ACO1: variants seen among roughly 807,000 people sequenced by gnomAD.
The protein encoded by ACO1 is cytoplasmic aconitate hydratase.
A neutral mutation model predicts 105.1 loss-of-function variants in ACO1; 78 were observed. The observed-to-expected ratio is 0.74, with a 90% CI of 0.62 to 0.90. The LOEUF (loss-of-function observed/expected upper bound fraction) is 0.90. Ranked by LOEUF, ACO1 falls within the 40% of genes least tolerant of loss-of-function variation. The pLI is 0.00. For synonymous variants in ACO1, 364 were observed against 397.4 expected, an observed-to-expected ratio of 0.92 and a Z score of 1.00; for missense variants, 965 against 1,111.1, an observed-to-expected ratio of 0.87 and a Z score of 1.87.
intron 13 of ACO1, among the ~76,000 whole-genome samples, chr9:32,430,211 C>A (rs1403213531): frequency 1.3e-5 from 2 of 152,298 alleles, no homozygotes; most frequent in Non-Finnish European, 2.9e-5. Context: ...GCAGAAATCA[C>A]TAAACATGTC....
chr9:32,446,118 T>TATTA (rs1159760903), intron 19 of ACO1, among the ~76,000 whole-genome samples: 2 of 152,212 alleles, frequency 1.3e-5, no homozygotes, highest in East Asian at 3.9e-4. Flanking sequence ...TGTAGATGTC[T>TATTA]ATTAGGTCAG....
chr9:32,391,104 C>T (rs1356747964), intron 1 of ACO1, among the ~76,000 whole-genome samples: 2 of 152,160 alleles, frequency 1.3e-5, no homozygotes, highest in South Asian at 2.1e-4. Context: ...TGGTAGCTCA[C>T]GGGGATATAG....
intron 20 of ACO1, 146 bp from the exon 21 acceptor site, chr9:32,449,852 G>A: frequency 1.6e-6 from 1 of 639,732 alleles, no homozygotes; most frequent in Admixed American, 2.6e-5. Context: ...GGTCTGGGCT[G>A]GGGCCAGCAG....
chr9:32,426,894 A>C (rs1170732055), intron 11 of ACO1, among the ~76,000 whole-genome samples: 1 of 152,188 alleles, frequency 6.6e-6, no homozygotes, highest in Non-Finnish European at 1.5e-5. Flanking sequence ...GCCAGCCAGC[A>C]CACAGCTGAT....
At chr9:32,422,692 T>A (rs7032871) in intron 8 of ACO1, among the ~76,000 whole-genome samples, 109,148 of 152,036 alleles carry the variant, frequency 0.72, 39,256 homozygotes, top group Middle Eastern at 0.81. Context: ...GGTCAAGCTC[T>A]GGTTTGGATT....
intron 1 of ACO1, among the ~76,000 whole-genome samples, chr9:32,388,737 A>G (rs902340253): frequency 7.2e-5 from 11 of 152,350 alleles, no homozygotes; most frequent in Non-Finnish European, 1.6e-4. Flanking sequence ...AATGAGGTAG[A>G]AGGAAGCCAG....
At chr9:32,412,639 T>C (rs1414888017) in intron 4 of ACO1, among the ~76,000 whole-genome samples, 1 of 152,220 alleles carries the variant, frequency 6.6e-6, no homozygotes, top group Non-Finnish European at 1.5e-5. Context: ...ACTCTTCCCT[T>C]TCCTTTGGAC....
rs139701924 is a variant in ACO1 at position 32,400,223 on chromosome 9, G to A, written c.-22-5262G>A. On this transcript the variant is annotated intron_variant, in intron 1 of 20. Coordinates refer to ENST00000309951, the MANE Select transcript of ACO1 (RefSeq NM_002197.3). ...TGACCTGAGGTGATCCGCCCATCTC[G>A]ACCTCCTAAAGTGCTGGGATTACAG... is the stretch of plus-strand genomic sequence containing the variant. 3.2e-3 allele frequency among the ~76,000 whole-genome samples: 480 copies of A among 152,016 alleles called. 2 individuals are homozygous for A. Among genetic ancestry groups the A allele is most frequent in the African/African-American group, 0.011 (463 of 41,480 alleles).
chr9:32,405,515 C>T lies in ACO1; in HGVS notation c.9C>T (p.Asn3=). The change falls in exon 2 of 21, where the codon AAC becomes AAT. Residue 3 remains asparagine (N), a synonymous_variant. Coordinates refer to ENST00000309951, the MANE Select transcript of ACO1 (RefSeq NM_002197.3). The stretch of plus-strand genomic sequence containing the variant: ...CGTGGCCATCAGTAATCATGAGCAA[C>T]CCATTCGCACACCTTGCTGAGCCAT... MS[N]PFAHLAEPLD... 1.9e-6 allele frequency: 3 copies of T among 1,613,136 alleles called. No homozygotes were observed. The highest frequency in any genetic ancestry group is 2.5e-6 in the Non-Finnish European group (3 of 1,179,320).
At position 32,407,265 on chromosome 9, in the gene ACO1, CT is replaced by C. The variant is rs1159050645; in HGVS notation, c.104del (p.Leu35TyrfsTer21). 5.0e-6 allele frequency: 8 copies of C among 1,613,918 alleles called. No individual in the cohort carries two copies. The highest frequency in any genetic ancestry group is 6.8e-6 in the Non-Finnish European group (8 of 1,179,980). On this transcript the variant is annotated frameshift_variant, in exon 3 of 21. Coordinates refer to ENST00000309951, the MANE Select transcript of ACO1 (RefSeq NM_002197.3). LOFTEE classifies it high-confidence loss of function. The stretch of plus-strand genomic sequence containing the variant: ...TTTGTCATCCTTAACTCTTAGGGCG[CT>C]TACCATTTTCGATCAGAGTTCTTCT... ...NKLEDSRYGR[L>X]PFSIRVLLEA...
chr9:32,403,013 G>C (rs1486776098), intron 1 of ACO1, among the ~76,000 whole-genome samples: 1 of 152,142 alleles, frequency 6.6e-6, no homozygotes, highest in Non-Finnish European at 1.5e-5. Flanking sequence ...AAGAAGTAAA[G>C]GCAACTCCAG....
intron 13 of ACO1, 148 bp from the exon 14 acceptor site, chr9:32,430,270 C>T (rs1263992417): frequency 2.9e-6 from 2 of 698,530 alleles, no homozygotes; most frequent in Non-Finnish European, 4.6e-6. Context: ...CCCCAGTGTA[C>T]CCTTCTCCCC....
intron 1 of ACO1, among the ~76,000 whole-genome samples, chr9:32,388,145 C>T (rs1339018356): frequency 6.6e-6 from 1 of 152,184 alleles, no homozygotes; most frequent in Non-Finnish European, 1.5e-5. Flanking sequence ...TACCTGCAGT[C>T]TAACCCGTTG....
At chr9:32,411,225 G>C (rs958758542) in intron 4 of ACO1, among the ~76,000 whole-genome samples, 7 of 152,182 alleles carry the variant, frequency 4.6e-5, no homozygotes, top group African/African-American at 1.7e-4. Context: ...GGGCAATCAG[G>C]TATTTTTAAG....
At chr9:32,386,806 T>C (rs540073736) in intron 1 of ACO1, among the ~76,000 whole-genome samples, 1 of 152,238 alleles carries the variant, frequency 6.6e-6, no homozygotes, top group African/African-American at 2.4e-5. Context: ...TAGATTTTTA[T>C]TGGCCACCTA....
At chr9:32,430,330 T>G in intron 13 of ACO1, 88 bp from the exon 14 acceptor site, 3 of 1,360,400 alleles carry the variant, frequency 2.2e-6, no homozygotes, top group Non-Finnish European at 3.0e-6. Flanking sequence ...ACTGTATCCT[T>G]GCGATGTGGA....
rs141355067 is a variant in ACO1 at position 32,420,639 on chromosome 9, A to G, written c.799-217A>G. ...ACAGACTTTACCAGTTTTTTCAGTA[A>G]TGTCCCAGAATTCTGCTCCAGAATC... On this transcript the variant is annotated intron_variant, in intron 7 of 20. Coordinates refer to ENST00000309951, the MANE Select transcript of ACO1 (RefSeq NM_002197.3). Among the ~76,000 whole-genome samples, 735 of 152,298 alleles carry G rather than the reference A, an allele frequency of 4.8e-3. 5 individuals carry two copies. The highest frequency in any genetic ancestry group is 0.017 in the African/African-American group (694 of 41,562).
At chr9:32,399,566 G>C (rs558273402) in intron 1 of ACO1, among the ~76,000 whole-genome samples, 2 of 152,274 alleles carry the variant, frequency 1.3e-5, no homozygotes, top group East Asian at 3.9e-4. Flanking sequence ...AAATTTATTT[G>C]AAAGAAATGA....
chr9:32,386,619 T>C (rs752331079), intron 1 of ACO1, among the ~76,000 whole-genome samples: 3 of 152,254 alleles, frequency 2.0e-5, no homozygotes, highest in Non-Finnish European at 2.9e-5. Flanking sequence ...CTACAGCCGA[T>C]ACTTGAGAAA....
Sources: gnomAD v4.1 joint callset for allele counts (sites outside exome capture counted in the v4.1 genomes callset) on GRCh38, gnomAD v4.1.1 for gene constraint, MANE v1.5 for transcripts, NCBI Gene and HGNC (gene_info 2026-07-23, HGNC 2026-07-21) for gene names.